EXT1: variants seen among roughly 807,000 people sequenced by gnomAD.
EXT1 encodes exostosin glycosyltransferase 1.
EXT1 carries 20 observed loss-of-function variants against 82.5 expected under a neutral mutation model. The observed-to-expected ratio is 0.24, with a 90% CI of 0.17 to 0.35. The LOEUF is 0.35. EXT1 is among the 10% of genes least tolerant of loss of function. The pLI is 1.00. For missense variants in EXT1, 757 were observed against 936.5 expected, an observed-to-expected ratio of 0.81 and a Z score of 2.50; for synonymous variants, 348 against 350.8, an observed-to-expected ratio of 0.99 and a Z score of 0.09.
At chr8:118,044,808 G>A (rs890618207) in intron 1 of EXT1, among the ~76,000 whole-genome samples, 1 of 152,130 alleles carries the variant, frequency 6.6e-6, no homozygotes, top group African/African-American at 2.4e-5. Context: ...CGAGTAGCTG[G>A]GACTACAGGC....
At chr8:117,987,859 G>A (rs1172861967) in intron 1 of EXT1, among the ~76,000 whole-genome samples, 1 of 152,284 alleles carries the variant, frequency 6.6e-6, no homozygotes, top group African/African-American at 2.4e-5. Context: ...AGGCCTAGGC[G>A]GAAGGATCGC....
intron 1 of EXT1, among the ~76,000 whole-genome samples, chr8:117,994,033 A>G (rs1473064713): frequency 6.6e-6 from 1 of 152,202 alleles, no homozygotes; most frequent in African/African-American, 2.4e-5. Flanking sequence ...CTCTTCTCTA[A>G]GCAAATACCA....
chr8:117,918,721 C>A (rs1813799876), intron 1 of EXT1, among the ~76,000 whole-genome samples: 1 of 152,192 alleles, frequency 6.6e-6, no homozygotes, highest in Non-Finnish European at 1.5e-5. Flanking sequence ...CACTGAGCTA[C>A]CAGCCGAATG....
At chr8:118,063,701 A>C (rs1432788524) in intron 1 of EXT1, among the ~76,000 whole-genome samples, 1 of 152,264 alleles carries the variant, frequency 6.6e-6, no homozygotes, top group East Asian at 1.9e-4. Flanking sequence ...GCTTCGGTTT[A>C]CAACTAGACT....
chr8:117,864,633 C>G (rs1466646270), intron 1 of EXT1, among the ~76,000 whole-genome samples: 1 of 152,008 alleles, frequency 6.6e-6, no homozygotes, highest in African/African-American at 2.4e-5. Flanking sequence ...CCTGCAGTCC[C>G]AGCTACTTGG....
chr8:117,980,707 T>TTG lies in EXT1; in HGVS notation c.962+129377_962+129378insCA, dbSNP rs1563619813. Among the ~76,000 whole-genome samples the TTG allele has an allele frequency of 7.1e-5, 3 of 42,154 alleles. No individual in the cohort carries two copies. The East Asian group carries it at 1.5e-3, about 21-fold the overall frequency. The allele number at this position is 42,154 out of a possible 152,430, so 27.7% of individuals were successfully genotyped here. Reference sequence around the variant, plus strand: ...TGTTCGGGTGTTGGTGGTTTTTTTTTTTTTTTTTTTTTTTTTTTTTTTTTC... The same window carrying TTG: ...TGTTCGGGTGTTGGTGGTTTTTTTTTTGTTTTTTTTTTTTTTTTTTTTTTTTC... On this transcript the variant is annotated intron_variant, in intron 1 of 10. Coordinates refer to ENST00000378204, the MANE Select transcript of EXT1 (RefSeq NM_000127.3).
rs116781143 is a variant in EXT1, at chr8:117,939,884, A to C, written c.963-102683T>G. ...TCACCCAGCACACAATAAATAGAAAAGAAGAAACAGAAGATTGTTGAGAAA... is the reference window on the plus strand; with the variant it reads ...TCACCCAGCACACAATAAATAGAAACGAAGAAACAGAAGATTGTTGAGAAA... On this transcript the variant is annotated intron_variant, in intron 1 of 10. Coordinates refer to ENST00000378204, the MANE Select transcript of EXT1 (RefSeq NM_000127.3). Among the ~76,000 whole-genome samples the C allele has an allele frequency of 1.2e-4, 19 of 152,344 alleles. No individual in the cohort carries two copies. In the South Asian group the frequency reaches 1.7e-3, roughly 13 times the overall value.
At chr8:118,016,775 G>A (rs540589848) in intron 1 of EXT1, among the ~76,000 whole-genome samples, 79 of 152,302 alleles carry the variant, frequency 5.2e-4, no homozygotes, top group African/African-American at 1.9e-3. Flanking sequence ...CACTGTGAAT[G>A]GAAACGTGTT....
At chr8:118,094,892 C>T (rs2130007199) in intron 1 of EXT1, among the ~76,000 whole-genome samples, 1 of 152,328 alleles carries the variant, frequency 6.6e-6, no homozygotes, top group Admixed American at 6.5e-5. Context: ...AAGAGTTAAA[C>T]TAGATTTTAG....
Position 117,929,344 on chromosome 8 carries a change from T to C in EXT1, c.963-92143A>G, listed in dbSNP as rs180903504. On this transcript the variant is annotated intron_variant, in intron 1 of 10. Transcript: ENST00000378204. ...AATCACAGGAAGTGTCAGCTCTGAG[T>C]GCTTCCCTCTTCCTCCTCACTCTGG... Among the ~76,000 whole-genome samples, 4 of 152,166 alleles carry C rather than the reference T, an allele frequency of 2.6e-5. No homozygotes were observed. In the East Asian group the frequency reaches 7.7e-4, roughly 29 times the overall value.
intron 4 of EXT1, among the ~76,000 whole-genome samples, chr8:117,828,008 A>G (rs1812035413): frequency 6.6e-6 from 1 of 151,974 alleles, no homozygotes; most frequent in Non-Finnish European, 1.5e-5. Context: ...TGATATCATA[A>G]ATGGAATATC....
intron 1 of EXT1, among the ~76,000 whole-genome samples, chr8:118,072,405 C>T (rs1817111473): frequency 6.6e-6 from 1 of 152,186 alleles, no homozygotes. Context: ...ACATAATCTG[C>T]TCTACATAAT....
In EXT1 at chr8:117,827,151, T is replaced by C. The variant is rs967909291; in HGVS notation, c.1284+3079A>G. On this transcript the variant is annotated intron_variant, in intron 4 of 10. Transcript: ENST00000378204. The stretch of plus-strand genomic sequence containing the variant: ...CTTGTGAGATTCTAGGTGGATATAA[T>C]GTTTTTGGATAATAATTTGGCAAAA... Among the ~76,000 whole-genome samples the C allele has an allele frequency of 2.0e-5, 3 of 152,308 alleles. No individual in the cohort carries two copies. The East Asian group carries it at 5.8e-4, about 29-fold the overall frequency.
At chr8:118,066,010 C>T (rs2514754) in intron 1 of EXT1, among the ~76,000 whole-genome samples, 25,880 of 152,152 alleles carry the variant, frequency 0.17, 2,787 homozygotes, top group East Asian at 0.47. Context: ...AATAAGGTTA[C>T]TGTCCAGTAC....
chr8:118,072,101 T>TA (rs1817104762), intron 1 of EXT1, among the ~76,000 whole-genome samples: 1 of 152,206 alleles, frequency 6.6e-6, no homozygotes, highest in South Asian at 2.1e-4. Flanking sequence ...GGGCAGGTAT[T>TA]AGACTCCCCG....
chr8:117,948,743 T>C (rs537982836), intron 1 of EXT1, among the ~76,000 whole-genome samples: 1 of 152,346 alleles, frequency 6.6e-6, no homozygotes, highest in South Asian at 2.1e-4. Flanking sequence ...AATGGGATCA[T>C]TCCACTTGAA....
chr8:117,809,200 T>C (rs1823278700), intron 8 of EXT1, among the ~76,000 whole-genome samples: 1 of 118,748 alleles, frequency 8.4e-6, no homozygotes. Flanking sequence ...TAGGTATATA[T>C]ATGTGTGTGT....
At chr8:117,873,647 G>C (rs1317505368) in intron 1 of EXT1, among the ~76,000 whole-genome samples, 1 of 151,940 alleles carries the variant, frequency 6.6e-6, no homozygotes, top group Admixed American at 6.6e-5. Flanking sequence ...GTAGAGACAG[G>C]GTTTTGCCAT....
intron 1 of EXT1, among the ~76,000 whole-genome samples, chr8:117,903,487 G>A (rs1470986864): frequency 6.6e-6 from 1 of 152,118 alleles, no homozygotes; most frequent in African/African-American, 2.4e-5. Flanking sequence ...TCCCAAAGTG[G>A]CAGATCACCC....
Sources: allele counts gnomAD v4.1 joint callset (sites outside exome capture counted in the v4.1 genomes callset), GRCh38; gene constraint gnomAD v4.1.1; transcripts MANE v1.5; gene names NCBI Gene and HGNC (gene_info 2026-07-23, HGNC 2026-07-21).